The following INSR variants were observed in gnomAD, a reference collection of about 807,000 sequenced individuals.
INSR encodes insulin receptor, also known as IR.
Under a neutral mutation model 142.6 loss-of-function variants are expected in INSR, and 67 were observed. That is an observed-to-expected ratio of 0.47 (90% CI 0.39 to 0.58). The LOEUF (loss-of-function observed/expected upper bound fraction) is 0.58, where lower values mean the gene tolerates loss of function less well. Among genes scored for constraint, INSR ranks in the 20% least tolerant of loss-of-function variants. INSR has a pLI of 0.00. For synonymous variants in INSR, 756 were observed against 743.1 expected, an observed-to-expected ratio of 1.02 and a Z score of -0.28; for missense variants, 1,248 against 1,833.2, an observed-to-expected ratio of 0.68 and a Z score of 5.83.
At chr19:7,219,858 G>A (rs564028621) in intron 2 of INSR, among the ~76,000 whole-genome samples, 4 of 152,192 alleles carry the variant, frequency 2.6e-5, no homozygotes, top group South Asian at 2.1e-4. Flanking sequence ...TCTGAGACAC[G>A]TGGTCTCTAC....
At chr19:7,291,519 T>C (rs894334085) in intron 1 of INSR, among the ~76,000 whole-genome samples, 1 of 152,222 alleles carries the variant, frequency 6.6e-6, no homozygotes, top group Admixed American at 6.5e-5. Context: ...ACTCCACCAC[T>C]TGTGCCCCAC....
chr19:7,204,389 A>G (rs968338019), intron 2 of INSR, among the ~76,000 whole-genome samples: 1 of 151,864 alleles, frequency 6.6e-6, no homozygotes, highest in African/African-American at 2.4e-5. Flanking sequence ...TCTATAAGTT[A>G]CGAGAGTCTT....
In INSR at chr19:7,163,179, G is replaced by A; in HGVS notation, c.1882C>T (p.Pro628Ser). The A allele has an allele frequency of 6.2e-7, 1 of 1,613,612 alleles. No individual in the cohort carries two copies. Among genetic ancestry groups the A allele is most frequent in the Non-Finnish European group, 8.5e-7 (1 of 1,179,678 alleles). ...GATGATGAGTTAGACACTGAGATTGGATCCAGGGGCACAGAGGGGTCTGTC... is the reference window on the plus strand; with the variant it reads ...GATGATGAGTTAGACACTGAGATTGAATCCAGGGGCACAGAGGGGTCTGTC... ...DATNPSVPLD[P>S]ISVSNSSSQI... The change falls in exon 9 of 22, where the codon CCA becomes TCA. Residue 628 changes from proline to serine, a missense_variant. By Grantham distance (74) the Pro-to-Ser change is moderately conservative (BLOSUM62 -1). Around this residue, in one of 3 missense-constraint regions of INSR, gnomAD observed 1,069 missense variants for 1,654.0 expected, o/e 0.65. Coordinates refer to ENST00000302850, the MANE Select transcript of INSR (RefSeq NM_000208.4).
At chr19:7,197,986 AGTGT>A (rs1272335446) in intron 2 of INSR, among the ~76,000 whole-genome samples, 6 of 127,568 alleles carry the variant, frequency 4.7e-5, no homozygotes, top group African/African-American at 1.3e-4. Context: ...CCATGGTGGG[AGTGT>A]GTGTGTGTCC....
At chr19:7,233,622 G>A (rs1394148039) in intron 2 of INSR, among the ~76,000 whole-genome samples, 7 of 151,122 alleles carry the variant, frequency 4.6e-5, no homozygotes, top group Admixed American at 4.0e-4. Context: ...CTGCAACACT[G>A]GGTCACCCAG....
At chr19:7,234,030 C>T (rs1976080719) in intron 2 of INSR, among the ~76,000 whole-genome samples, 1 of 152,026 alleles carries the variant, frequency 6.6e-6, no homozygotes, top group African/African-American at 2.4e-5. Context: ...CCTCAGCCTC[C>T]CTAGTAGCTG....
In INSR at chr19:7,132,070, C is replaced by T. The variant is rs2860175; in HGVS notation, c.2842+88G>A. 0.12 allele frequency: 181,310 copies of T among 1,524,078 alleles called. 12,119 individuals carry two copies. Among genetic ancestry groups the T allele is most frequent in the African/African-American group, 0.27 (19,418 of 72,998 alleles). The allele number at this position is 1,524,078 out of a possible 1,614,324, so 94.4% of individuals were successfully genotyped here. A position where few individuals can be genotyped will look rare whatever the true frequency, so the allele number is the denominator to read the frequency against. On this transcript the variant is annotated intron_variant, in intron 14 of 21. Transcript: ENST00000302850. Reference sequence around the variant, plus strand: ...GAGTCAAGGCCAGGGCCAGCACCTGCGGCCTCTCCAAGTCATCCCCTGCAA... The same window carrying T: ...GAGTCAAGGCCAGGGCCAGCACCTGTGGCCTCTCCAAGTCATCCCCTGCAA...
In INSR at chr19:7,150,942, C is replaced by T. The variant is rs990093793; in HGVS notation, c.2232-410G>A. ...TTCTCTTTCTCTTTTCTCTCTCCCT[C>T]TCTCTCCTTCCTTCCTTCTTTCCTC... On this transcript the variant is annotated intron_variant, in intron 10 of 21. Transcript: ENST00000302850. The surrounding 1 kb of genome is among the most constrained non-coding windows in gnomAD (Gnocchi z 4.2). Among the ~76,000 whole-genome samples the T allele has an allele frequency of 6.7e-6, 1 of 150,044 alleles. No homozygotes were observed. The highest frequency in any genetic ancestry group is 1.5e-5 in the Non-Finnish European group (1 of 67,586).
chr19:7,243,019 GAC>G (rs1173242726), intron 2 of INSR, among the ~76,000 whole-genome samples: 1 of 151,926 alleles, frequency 6.6e-6, no homozygotes, highest in Non-Finnish European at 1.5e-5. Context: ...CCCCAACACA[GAC>G]ACACACACCA....
chr19:7,152,646 T>G (rs558494051), intron 10 of INSR, 80 bp downstream of exon 10: 2 of 1,178,424 alleles, frequency 1.7e-6, no homozygotes, highest in Non-Finnish European at 2.5e-6. Flanking sequence ...TCCCACTACC[T>G]CTCGGTCCCT....
intron 2 of INSR, among the ~76,000 whole-genome samples, chr19:7,211,753 C>T (rs189812833): frequency 6.6e-6 from 1 of 152,276 alleles, no homozygotes; most frequent in Non-Finnish European, 1.5e-5. Flanking sequence ...CCCGTCAACA[C>T]GGTCTGGAAC....
intron 8 of INSR, among the ~76,000 whole-genome samples, chr19:7,165,263 C>A (rs1388921739): frequency 6.6e-6 from 1 of 151,674 alleles, no homozygotes; most frequent in South Asian, 2.1e-4. Flanking sequence ...TGCACTCCAG[C>A]CTGGGTGACA....
rs1455977199 is a variant in INSR at position 7,172,424 on chromosome 19, T to C, written c.1134A>G (p.Ala378=). Residue 378 remains alanine (A), a synonymous_variant, in exon 5 of 22, where the codon GCA becomes GCG. Transcript: ENST00000302850. ...GGCCGAGGTTGGCTTCTAGCTCAGC[T>C]GCCAGATTGTCTAAGGAAAGGAGAG... ...IINIRGGNNL[A]AELEANLGLI... 1 of 1,614,066 alleles carries C rather than the reference T, an allele frequency of 6.2e-7. No individual in the cohort carries two copies. Among genetic ancestry groups the C allele is most frequent in the Non-Finnish European group, 8.5e-7 (1 of 1,179,988 alleles).
At chr19:7,121,982 A>G (rs1220983015) in intron 19 of INSR, among the ~76,000 whole-genome samples, 2 of 152,014 alleles carry the variant, frequency 1.3e-5, no homozygotes, top group Admixed American at 6.6e-5. Context: ...GTCTCTACTA[A>G]AAATACAAAA....
rs542684235 is a variant in INSR at position 7,152,323 on chromosome 19, G to A, written c.2231+403C>T. The A allele has an allele frequency of 9.7e-5, 29 of 298,370 alleles. 1 individual carries two copies. Among genetic ancestry groups the A allele is most frequent in the South Asian group, 8.3e-4 (28 of 33,936 alleles). The allele number at this position is 298,370 out of a possible 1,614,324, so 18.5% of individuals were successfully genotyped here. A position where few individuals can be genotyped will look rare whatever the true frequency, so the allele number is the denominator to read the frequency against. ...CAAGAATCACTCGAACCCGGAAAGGGTGAGCTGAAATCGCACCACCGCACT... is the reference window on the plus strand; with the variant it reads ...CAAGAATCACTCGAACCCGGAAAGGATGAGCTGAAATCGCACCACCGCACT... On this transcript the variant is annotated intron_variant, in intron 10 of 21. Coordinates refer to ENST00000302850, the MANE Select transcript of INSR (RefSeq NM_000208.4).
intron 13 of INSR, among the ~76,000 whole-genome samples, chr19:7,135,736 C>T (rs1039847793): frequency 7.2e-5 from 11 of 151,788 alleles, no homozygotes; most frequent in Admixed American, 3.3e-4. Flanking sequence ...TTTGGAAGGC[C>T]GAGGCGGGCA....
chr19:7,153,024 C>CCACACAA, intron 9 of INSR, 97 bp from the exon 10 acceptor site: 1 of 489,206 alleles, frequency 2.0e-6, no homozygotes, highest in Non-Finnish European at 3.4e-6. Flanking sequence ...CACACACACA[C>CCACACAA]ACCACACACA....
At chr19:7,128,779 T>C in intron 15 of INSR, 73 bp downstream of exon 15, 1 of 969,324 alleles carries the variant, frequency 1.0e-6, no homozygotes, top group Non-Finnish European at 1.7e-6. Flanking sequence ...AATATGCCTA[T>C]ACCTATATCA....
At chr19:7,207,944 A>AGGGAAGGAGGGAG (rs1212774941) in intron 2 of INSR, among the ~76,000 whole-genome samples, 1 of 46,430 alleles carries the variant, frequency 2.2e-5, no homozygotes, top group East Asian at 1.1e-3. Context: ...AAGGAAGGGA[A>AGGGAAGGAGGGAG]GGAGGGAGGG....
Sources: allele counts gnomAD v4.1 joint callset (sites outside exome capture counted in the v4.1 genomes callset), GRCh38; gene constraint gnomAD v4.1.1; regional missense constraint gnomAD v4.1.1; non-coding constraint Gnocchi (gnomAD v3.1); transcripts MANE v1.5; gene names NCBI Gene and HGNC (gene_info 2026-07-23, HGNC 2026-07-21).